CNOT10: variants seen among roughly 807,000 people sequenced by gnomAD.
The protein encoded by CNOT10 is CCR4-NOT transcription complex, subunit 10.
In CNOT10, 30 loss-of-function variants were observed where a neutral mutation model predicts 94.6. That is an observed-to-expected ratio of 0.32 (90% CI 0.24 to 0.43). The LOEUF (loss-of-function observed/expected upper bound fraction) is 0.43, where lower values mean the gene tolerates loss of function less well. Ranked by LOEUF, CNOT10 falls within the 20% of genes least tolerant of loss-of-function variation. The pLI is 1.00. For synonymous variants in CNOT10, 289 were observed against 301.6 expected (o/e 0.96, Z 0.43); for missense variants, 759 against 877.2 (o/e 0.87, Z 1.70).
intron 8 of CNOT10, among the ~76,000 whole-genome samples, chr3:32,724,887 C>T (rs778292483): frequency 6.6e-6 from 1 of 152,092 alleles, no homozygotes; most frequent in Admixed American, 6.6e-5. Flanking sequence ...TATATTCTTG[C>T]TATTCACTTA....
chr3:32,733,031 G>A (rs1166591451), intron 10 of CNOT10, among the ~76,000 whole-genome samples: 2 of 152,108 alleles, frequency 1.3e-5, no homozygotes, highest in East Asian at 3.9e-4. Context: ...TTAGGAAGTG[G>A]AGCGACTTCC....
In CNOT10 at chr3:32,720,202, T is replaced by C; in HGVS notation, c.833T>C (p.Ile278Thr). ...GTGAAGCTATTAAATAGTTCAAACA[T>C]TGCTGAGCATCCAGGATTCATGAAA... ...KAVKLLNSSN[I>T]AEHPGFMKTG... Residue 278 changes from isoleucine (I) to threonine (T), a missense_variant, in exon 8 of 19, where the codon ATT (isoleucine) becomes ACT (threonine). By Grantham distance (89) the Ile-to-Thr change is moderately conservative. Around this residue, in one of 3 missense-constraint regions of CNOT10, gnomAD observed 682 missense variants for 799.4 expected, o/e 0.85. Transcript: ENST00000328834. 6.6e-7 allele frequency: 1 copy of C among 1,525,988 alleles called. No individual in the cohort carries two copies. The highest frequency in any genetic ancestry group is 8.9e-7 in the Non-Finnish European group (1 of 1,118,572). The allele number at this position is 1,525,988 out of a possible 1,614,324, so 94.5% of individuals were successfully genotyped here.
intron 1 of CNOT10, 165 bp from the exon 2 acceptor site, chr3:32,703,703 A>G (rs560922511): frequency 1.9e-5 from 11 of 570,086 alleles, no homozygotes; most frequent in African/African-American, 1.9e-4. Flanking sequence ...TGTTACTCAG[A>G]ACATTGCTGT....
intron 13 of CNOT10, among the ~76,000 whole-genome samples, chr3:32,748,258 ATGT>A (rs1413911605): frequency 6.6e-6 from 1 of 152,232 alleles, no homozygotes; most frequent in African/African-American, 2.4e-5. Context: ...ACGTGTGTGA[ATGT>A]TGTTACTATG....
chr3:32,697,349 G>A (rs951447255), intron 1 of CNOT10, among the ~76,000 whole-genome samples: 18 of 152,200 alleles, frequency 1.2e-4, no homozygotes, highest in Admixed American at 6.5e-4. Context: ...ACCTGGGTGA[G>A]TTGTTGGGTT....
intron 1 of CNOT10, among the ~76,000 whole-genome samples, chr3:32,693,209 C>A (rs1696919989): frequency 1.3e-5 from 2 of 150,928 alleles, no homozygotes; most frequent in Admixed American, 1.3e-4. Flanking sequence ...GGTTTTTTTT[C>A]TTTTTTAAAT....
At chr3:32,758,277 C>T (rs558852861) in intron 13 of CNOT10, among the ~76,000 whole-genome samples, 1 of 152,164 alleles carries the variant, frequency 6.6e-6, no homozygotes, top group Non-Finnish European at 1.5e-5. Flanking sequence ...ACCTCAATTT[C>T]GTTATGCTTC....
Position 32,685,388 on chromosome 3 carries a change from G to T in CNOT10, c.-73G>T. On this transcript the variant is annotated 5_prime_UTR_variant, in exon 1 of 19. Transcript: ENST00000328834. ...CACAGAGTTGTCCTCGGAGGTCCAG[G>T]ACAGCGGCCAGCCCGGCGGCGGGAG... 6.5e-7 allele frequency: 1 copy of T among 1,535,608 alleles called. No individual in the cohort carries two copies. Among genetic ancestry groups the T allele is most frequent in the Non-Finnish European group, 8.8e-7 (1 of 1,133,880 alleles).
intron 3 of CNOT10, among the ~76,000 whole-genome samples, chr3:32,705,973 T>C (rs1575216708): frequency 6.6e-6 from 1 of 152,362 alleles, no homozygotes; most frequent in East Asian, 1.9e-4. Context: ...TTATGCCTTA[T>C]CTCATATAAT....
chr3:32,758,578 A>G (rs1700311308), intron 13 of CNOT10, among the ~76,000 whole-genome samples: 1 of 152,234 alleles, frequency 6.6e-6, no homozygotes, highest in Non-Finnish European at 1.5e-5. Context: ...TGTGTATTGT[A>G]ATTTGTAAAC....
At chr3:32,773,207 A>G (rs3763569) in intron 18 of CNOT10, among the ~76,000 whole-genome samples, 22,076 of 152,120 alleles carry the variant, frequency 0.15, 1,821 homozygotes, top group Middle Eastern at 0.23. Flanking sequence ...CAAGTTCTCT[A>G]CCTGGGCTAT....
chr3:32,773,214 C>T (rs921495838), intron 18 of CNOT10, among the ~76,000 whole-genome samples: 2 of 152,164 alleles, frequency 1.3e-5, no homozygotes, highest in Non-Finnish European at 2.9e-5. Context: ...TCTACCTGGG[C>T]TATACCTTAG....
intron 1 of CNOT10, among the ~76,000 whole-genome samples, chr3:32,703,215 T>C (rs6763268): frequency 0.4 from 60,807 of 151,630 alleles, 13,191 homozygotes; most frequent in African/African-American, 0.58. Context: ...TGAGCCACCG[T>C]GCCTGGCAAC....
chr3:32,722,213 C>T (rs932194313), intron 8 of CNOT10, among the ~76,000 whole-genome samples: 2 of 152,140 alleles, frequency 1.3e-5, no homozygotes, highest in Non-Finnish European at 2.9e-5. Context: ...CCCAGATACA[C>T]GCACAGAATA....
intron 1 of CNOT10, among the ~76,000 whole-genome samples, chr3:32,693,685 G>A (rs1031358363): frequency 4.0e-5 from 6 of 151,824 alleles, no homozygotes; most frequent in Non-Finnish European, 7.4e-5. Context: ...GGGACTATAG[G>A]CATGCGCCAC....
chr3:32,691,083 T>C (rs1366512148), intron 1 of CNOT10, among the ~76,000 whole-genome samples: 1 of 146,262 alleles, frequency 6.8e-6, no homozygotes, highest in Non-Finnish European at 1.5e-5. Context: ...GCAACCTCCA[T>C]CTCCCGAGTT....
intron 4 of CNOT10, among the ~76,000 whole-genome samples, chr3:32,710,952 G>C (rs1425946787): frequency 5.3e-5 from 8 of 152,008 alleles, no homozygotes; most frequent in Non-Finnish European, 8.8e-5. Flanking sequence ...GAACTCCTGG[G>C]CTCAAGCCCA....
intron 13 of CNOT10, chr3:32,753,697 G>T: frequency 6.3e-7 from 1 of 1,588,012 alleles, no homozygotes; most frequent in East Asian, 2.2e-5. Flanking sequence ...CAAAGAAGAA[G>T]AAAATAATGA....
At chr3:32,707,788 A>G (rs1190564289) in intron 3 of CNOT10, among the ~76,000 whole-genome samples, 1 of 151,952 alleles carries the variant, frequency 6.6e-6, no homozygotes, top group East Asian at 1.9e-4. Context: ...GGGTGACTCC[A>G]TCTCAAAAAA....
Sources: gnomAD v4.1 joint callset for allele counts (sites outside exome capture counted in the v4.1 genomes callset) on GRCh38, gnomAD v4.1.1 for gene constraint, gnomAD v4.1.1 regional missense constraint, MANE v1.5 for transcripts, NCBI Gene and HGNC (gene_info 2026-07-23, HGNC 2026-07-21) for gene names.